ZNF383: variants seen among roughly 807,000 people sequenced by gnomAD.
The protein encoded by ZNF383 is zinc finger protein 383.
A neutral mutation model predicts 44.2 loss-of-function variants in ZNF383; 32 were observed. That is an observed-to-expected ratio of 0.72 (90% CI 0.55 to 0.97). The LOEUF (loss-of-function observed/expected upper bound fraction) is 0.97. ZNF383 is among the 50% of genes least tolerant of loss of function. The probability of loss-of-function intolerance (pLI) is 0.00; values close to 1 mark genes in which losing one functional copy is unlikely to be tolerated. For missense variants in ZNF383, 487 were observed against 562.5 expected (o/e 0.87, Z 1.36); for synonymous variants, 155 against 186.2 (o/e 0.83, Z 1.36).
chr19:37,243,986 C>A lies in ZNF383; in HGVS notation c.*322C>A, dbSNP rs1657508. On this transcript the variant is annotated 3_prime_UTR_variant, in exon 6 of 6. Coordinates refer to ENST00000684119, the MANE Select transcript of ZNF383 (RefSeq NM_001387601.1). The stretch of plus-strand genomic sequence containing the variant: ...TATTTGTGTTTGCACCAGTATCACA[C>A]TGTTTGAATTGTGTGACCTTTAATA... The A allele has an allele frequency of 0.12, 24,873 of 204,242 alleles. 1,685 individuals carry two copies. Among genetic ancestry groups the A allele is most frequent in the Non-Finnish European group, 0.15 (15,477 of 102,124 alleles). The allele number at this position is 204,242 out of a possible 1,614,324, so 12.7% of individuals were successfully genotyped here.
At chr19:37,236,601 C>T (rs527801350) in intron 5 of ZNF383, among the ~76,000 whole-genome samples, 208 of 148,900 alleles carry the variant, frequency 1.4e-3, no homozygotes, top group African/African-American at 5.0e-3. Context: ...GACGGAGTCT[C>T]GCTCCGTCGC....
At chr19:37,234,680 A>G (rs187067324) in intron 3 of ZNF383, among the ~76,000 whole-genome samples, 260 of 152,274 alleles carry the variant, frequency 1.7e-3, no homozygotes, top group Non-Finnish European at 2.9e-3. Flanking sequence ...ATGAGCCACC[A>G]CGCCCAGCCA....
chr19:37,243,542 A>G lies in ZNF383; in HGVS notation c.1306A>G (p.Asn436Asp). ...ECGKAFNKCS[N>D]LTRHLRIHTG... is the part of the protein sequence containing the mutation. ...TGGAAAGGCCTTTAATAAATGCTCA[A>G]ACCTTACTCGACATCTGAGAATTCA... The change falls in exon 6 of 6, where the codon AAC becomes GAC. Residue 436 changes from asparagine to aspartate, a missense_variant. Coordinates refer to ENST00000684119, the MANE Select transcript of ZNF383 (RefSeq NM_001387601.1). 2 of 1,613,734 alleles carry G rather than the reference A, an allele frequency of 1.2e-6. No individual in the cohort carries two copies. The highest frequency in any genetic ancestry group is 1.7e-6 in the Non-Finnish European group (2 of 1,179,884).
At chr19:37,235,932 C>T in intron 4 of ZNF383, 47 bp from the exon 5 acceptor site, 1 of 1,521,900 alleles carries the variant, frequency 6.6e-7, no homozygotes, top group Non-Finnish European at 9.0e-7. Flanking sequence ...GACTGGATCT[C>T]CTTTACCCCC....
chr19:37,240,125 C>T (rs1456324939), intron 5 of ZNF383, among the ~76,000 whole-genome samples: 1 of 150,114 alleles, frequency 6.7e-6, no homozygotes, highest in East Asian at 2.0e-4. Flanking sequence ...CACCACTGCA[C>T]TCCAGCCTGG....
intron 3 of ZNF383, among the ~76,000 whole-genome samples, chr19:37,231,781 A>C (rs1973498374): frequency 6.6e-6 from 1 of 152,172 alleles, no homozygotes; most frequent in African/African-American, 2.4e-5. Flanking sequence ...ATGATTCATC[A>C]ATAGGATAGA....
At chr19:37,226,117 G>A (rs10411156) in intron 2 of ZNF383, among the ~76,000 whole-genome samples, 10 of 152,144 alleles carry the variant, frequency 6.6e-5, no homozygotes, top group African/African-American at 2.4e-4. Context: ...CCCTGACTTA[G>A]CATAATGTCC....
intron 1 of ZNF383, 31 bp downstream of exon 1, chr19:37,218,305 C>G (rs1021689918): frequency 3.9e-5 from 6 of 152,396 alleles, no homozygotes; most frequent in African/African-American, 9.7e-5. Context: ...AGGGACTGAC[C>G]AGGCTGGTCT....
At position 37,243,140 on chromosome 19, in the gene ZNF383, C is replaced by T. The variant is rs180989065; in HGVS notation, c.904C>T (p.Arg302Ter). The T allele has an allele frequency of 5.0e-6, 8 of 1,613,556 alleles. No homozygotes were observed. Among genetic ancestry groups the T allele is most frequent in the Middle Eastern group, 1.7e-4 (1 of 6,056 alleles). ...GAGCTCACAACTTTTTCAGCATGCA[C>T]GAATTCATACAGGTGAGAAACCCTA... ...TKSSQLFQHARIHTGEKPYEC... is the reference protein window; with the variant it reads ...TKSSQLFQHA Residue 302 changes from arginine to a stop codon, truncating the protein, a stop_gained, in exon 6 of 6, where the codon CGA (arginine) becomes TGA (stop). Coordinates refer to ENST00000684119, the MANE Select transcript of ZNF383 (RefSeq NM_001387601.1). LOFTEE classifies it high-confidence loss of function.
intron 2 of ZNF383, among the ~76,000 whole-genome samples, chr19:37,229,734 ATGTGTG>A (rs1292557806): frequency 6.9e-6 from 1 of 144,040 alleles, no homozygotes; most frequent in Non-Finnish European, 1.5e-5. Context: ...ATGTATATAT[ATGTGTG>A]TGTATATATG....
chr19:37,230,362 G>C, intron 2 of ZNF383, 47 bp from the exon 3 acceptor site: 1 of 1,394,546 alleles, frequency 7.2e-7, no homozygotes, highest in Non-Finnish European at 1.0e-6. Context: ...TTTCTAGAGG[G>C]TTTTACTTCC....
chr19:37,231,929 A>T (rs1040616975), intron 3 of ZNF383, among the ~76,000 whole-genome samples: 53 of 152,190 alleles, frequency 3.5e-4, no homozygotes, highest in African/African-American at 1.3e-3. Context: ...AATTTTATGA[A>T]TTTTTTCAGA....
chr19:37,221,781 T>TA (rs71177434), intron 1 of ZNF383, among the ~76,000 whole-genome samples: 38,433 of 137,108 alleles, frequency 0.28, 5,577 homozygotes, highest in African/African-American at 0.37. Context: ...CGTCTCTACT[T>TA]AAAAAAAAAA....
In ZNF383 at chr19:37,223,933, G is replaced by T. The variant is rs531511963; in HGVS notation, c.-167-885G>T. Among the ~76,000 whole-genome samples, 13 of 152,104 alleles carry T rather than the reference G, an allele frequency of 8.5e-5. No homozygotes were observed. In the South Asian group the frequency reaches 2.7e-3, roughly 32 times the overall value. On this transcript the variant is annotated intron_variant, in intron 1 of 5. Coordinates refer to ENST00000684119, the MANE Select transcript of ZNF383 (RefSeq NM_001387601.1). ...ACCTGTAATCTCAGCTACTCAGGAG[G>T]CTGAGGCAGAGAGTTGCTTGAACCT...
chr19:37,238,716 G>A (rs1973941557), intron 5 of ZNF383, among the ~76,000 whole-genome samples: 1 of 152,168 alleles, frequency 6.6e-6, no homozygotes, highest in African/African-American at 2.4e-5. Context: ...AGGTCAGGAT[G>A]GGAGTTGGAT....
intron 2 of ZNF383, among the ~76,000 whole-genome samples, chr19:37,226,281 A>G (rs748059575): frequency 2.0e-5 from 3 of 152,256 alleles, no homozygotes; most frequent in South Asian, 2.1e-4. Context: ...CCCCACACGT[A>G]TGGTCTCCCC....
Position 37,247,839 on chromosome 19 carries a change from A to T in ZNF383, c.*4175A>T, listed in dbSNP as rs564975787. Reference sequence around the variant, plus strand: ...ACCTCCCTCCAGAATAAACTTATTTAAAAAAATAAGACTGGCCAGGCATGG... The same window carrying T: ...ACCTCCCTCCAGAATAAACTTATTTTAAAAAATAAGACTGGCCAGGCATGG... On this transcript the variant is annotated 3_prime_UTR_variant, in exon 6 of 6. Coordinates refer to ENST00000684119, the MANE Select transcript of ZNF383 (RefSeq NM_001387601.1). 1 of 152,178 alleles carries T rather than the reference A, an allele frequency of 6.6e-6. No individual in the cohort carries two copies. The highest frequency in any genetic ancestry group is 1.5e-5 in the Non-Finnish European group (1 of 68,032). The allele number at this position is 152,178 out of a possible 1,614,324, so 9.4% of individuals were successfully genotyped here.
chr19:37,239,815 C>A (rs1167300440), intron 5 of ZNF383, among the ~76,000 whole-genome samples: 1 of 152,110 alleles, frequency 6.6e-6, no homozygotes, highest in Non-Finnish European at 1.5e-5. Flanking sequence ...CAGTGGAAGA[C>A]AGAAGAGGGC....
Position 37,248,658 on chromosome 19 carries a change from A to G in ZNF383, c.*4994A>G, listed in dbSNP as rs565372766. ...AATGAAAATATATGCTCTAACCTCAACATCTTCTAGATGAACCCTTTTTTC... is the reference window on the plus strand; with the variant it reads ...AATGAAAATATATGCTCTAACCTCAGCATCTTCTAGATGAACCCTTTTTTC... On this transcript the variant is annotated 3_prime_UTR_variant, in exon 6 of 6. Coordinates refer to ENST00000684119, the MANE Select transcript of ZNF383 (RefSeq NM_001387601.1). The G allele has an allele frequency of 1.3e-5, 2 of 152,216 alleles. No individual in the cohort carries two copies. The highest frequency in any genetic ancestry group is 2.9e-5 in the Non-Finnish European group (2 of 68,040). The allele number at this position is 152,216 out of a possible 1,614,324, so 9.4% of individuals were successfully genotyped here.
Sources: allele counts gnomAD v4.1 joint callset (sites outside exome capture counted in the v4.1 genomes callset), GRCh38; gene constraint gnomAD v4.1.1; transcripts MANE v1.5; gene names NCBI Gene and HGNC (gene_info 2026-07-23, HGNC 2026-07-21).